The following NSMCE2 variants were observed in gnomAD, a reference collection of about 807,000 sequenced individuals.
The protein encoded by NSMCE2 is NSE2 SUMO ligase component of SMC5/6 complex.
In NSMCE2, 24 loss-of-function variants were observed where a neutral mutation model predicts 23.8. The observed-to-expected ratio is 1.01, with a 90% CI of 0.73 to 1.42. The LOEUF (loss-of-function observed/expected upper bound fraction) is 1.42. Among genes scored for constraint, NSMCE2 ranks in the 40% most tolerant of loss-of-function variants. The pLI, the probability that NSMCE2 is intolerant of heterozygous loss-of-function variation, is 0.00. For missense variants in NSMCE2, 284 were observed against 296.5 expected (o/e 0.96, Z 0.31); for synonymous variants, 92 against 94.1 (o/e 0.98, Z 0.13).
rs541154728 is a variant in NSMCE2, at chr8:125,153,571, C to T, written c.264+2294C>T. On this transcript the variant is annotated intron_variant, in intron 4 of 7. Transcript: ENST00000287437. ...GAATGAACAGCAGCTTGGGAGGGGC[C>T]GGGATAATATACTTGTTTAGAAATA... Among the ~76,000 whole-genome samples the T allele has an allele frequency of 1.1e-4, 17 of 152,166 alleles. No individual in the cohort carries two copies. In the South Asian group the frequency reaches 1.9e-3, roughly 17 times the overall value.
intron 3 of NSMCE2, among the ~76,000 whole-genome samples, chr8:125,144,264 A>G (rs1017216227): frequency 6.6e-6 from 1 of 152,160 alleles, no homozygotes; most frequent in African/African-American, 2.4e-5. Context: ...GAAGGTCCCT[A>G]TTTAGAATAG....
intron 4 of NSMCE2, 48 bp from the exon 5 acceptor site, chr8:125,182,055 A>G: frequency 7.3e-7 from 1 of 1,374,480 alleles, no homozygotes. Context: ...CTTTGTTAAC[A>G]CTATTATTAT....
intron 5 of NSMCE2, among the ~76,000 whole-genome samples, chr8:125,192,475 T>C (rs1244142730): frequency 6.6e-6 from 1 of 152,082 alleles, no homozygotes; most frequent in African/African-American, 2.4e-5. Flanking sequence ...GTTAATATTG[T>C]AATTTGGCTT....
chr8:125,118,329 C>T (rs1197217774), intron 3 of NSMCE2, among the ~76,000 whole-genome samples: 3 of 151,378 alleles, frequency 2.0e-5, no homozygotes, highest in East Asian at 3.9e-4. Flanking sequence ...TGCAGTGAGC[C>T]GAGATTACAC....
intron 5 of NSMCE2, among the ~76,000 whole-genome samples, chr8:125,302,912 C>T (rs1327813499): frequency 6.6e-6 from 1 of 152,084 alleles, no homozygotes; most frequent in Non-Finnish European, 1.5e-5. Flanking sequence ...TCTGGGAATC[C>T]GGGACAAAGA....
In NSMCE2 at chr8:125,355,039, G is replaced by A. The variant is rs530821309; in HGVS notation, c.419-2180G>A. ...GAAACATAAATGAAATTCATGTTTA[G>A]TCTTGGGTCCCATCCCCCAAGATAT... On this transcript the variant is annotated intron_variant, in intron 5 of 7. Transcript: ENST00000287437. 2.6e-5 allele frequency among the ~76,000 whole-genome samples: 4 copies of A among 152,318 alleles called. No homozygotes were observed. The East Asian group carries it at 7.7e-4, about 29-fold the overall frequency.
At chr8:125,242,684 A>T (rs1310531999) in intron 5 of NSMCE2, among the ~76,000 whole-genome samples, 1 of 152,200 alleles carries the variant, frequency 6.6e-6, no homozygotes, top group Admixed American at 6.5e-5. Flanking sequence ...TGAACTACAG[A>T]GTAGTTGTGG....
rs775997784 is a variant in NSMCE2, at chr8:125,324,874, C to T, written c.419-32345C>T. ...CAGGCATGAGCCACCGCGCCCGGCC[C>T]ATTTTGATAAAATTCTTTATGATGC... is the stretch of plus-strand genomic sequence containing the variant. On this transcript the variant is annotated intron_variant, in intron 5 of 7. Transcript: ENST00000287437. Among the ~76,000 whole-genome samples the T allele has an allele frequency of 3.7e-4, 56 of 150,936 alleles. 19 individuals carry two copies. The highest frequency in any genetic ancestry group is 3.1e-3 in the East Asian group (16 of 5,102).
intron 1 of NSMCE2, among the ~76,000 whole-genome samples, chr8:125,093,126 A>G (rs561933969): frequency 7.9e-5 from 12 of 152,344 alleles, no homozygotes; most frequent in African/African-American, 2.9e-4. Context: ...CTTATGAACA[A>G]CAGAAATTTA....
At chr8:125,140,292 C>A (rs1479095913) in intron 3 of NSMCE2, among the ~76,000 whole-genome samples, 1 of 152,042 alleles carries the variant, frequency 6.6e-6, no homozygotes, top group Non-Finnish European at 1.5e-5. Context: ...AGCAAAATAC[C>A]CCCATTTGTT....
intron 5 of NSMCE2, among the ~76,000 whole-genome samples, chr8:125,266,100 T>C (rs1477451157): frequency 1.3e-5 from 2 of 150,752 alleles, no homozygotes; most frequent in Admixed American, 1.3e-4. Flanking sequence ...TTCTTTTTTT[T>C]TTTTTTTTTG....
intron 5 of NSMCE2, among the ~76,000 whole-genome samples, chr8:125,183,603 T>C (rs1206934850): frequency 6.6e-6 from 1 of 151,734 alleles, no homozygotes; most frequent in Non-Finnish European, 1.5e-5. Context: ...ATATAGTCTT[T>C]ACCTTTTATC....
intron 5 of NSMCE2, among the ~76,000 whole-genome samples, chr8:125,300,864 C>T (rs1458968953): frequency 6.6e-6 from 1 of 152,136 alleles, no homozygotes; most frequent in East Asian, 1.9e-4. Flanking sequence ...TTAATGCTAG[C>T]AGAGTGAAGA....
rs1478577011 is a variant in NSMCE2 at position 125,255,423 on chromosome 8, C to T, written c.418+73167C>T. ...TCACAGGAACACTGAGTCGAGACAC[C>T]TAATCCTTCCTTCATCATCAAGGAA... On this transcript the variant is annotated intron_variant, in intron 5 of 7. Coordinates refer to ENST00000287437, the MANE Select transcript of NSMCE2 (RefSeq NM_173685.4). Among the ~76,000 whole-genome samples, 3 of 152,088 alleles carry T rather than the reference C, an allele frequency of 2.0e-5. No homozygotes were observed. In the East Asian group the frequency reaches 5.8e-4, roughly 29 times the overall value.
rs547806411 is a variant in NSMCE2 at position 125,133,374 on chromosome 8, A to T, written c.158-17797A>T. Among the ~76,000 whole-genome samples, 76 of 152,324 alleles carry T rather than the reference A, an allele frequency of 5.0e-4. 1 individual carries two copies. The highest frequency in any genetic ancestry group is 1.8e-3 in the African/African-American group (74 of 41,568). ...GCTTAATGAAAGACTGAAATAATCC[A>T]GGGGTGTAAAATGGGAAAACAGCTG... On this transcript the variant is annotated intron_variant, in intron 3 of 7. Coordinates refer to ENST00000287437, the MANE Select transcript of NSMCE2 (RefSeq NM_173685.4).
intron 3 of NSMCE2, among the ~76,000 whole-genome samples, chr8:125,142,848 C>T (rs1820454699): frequency 1.3e-5 from 2 of 152,148 alleles, no homozygotes; most frequent in East Asian, 1.9e-4. Context: ...GTGATCCACC[C>T]GCCTCAGCCT....
intron 5 of NSMCE2, among the ~76,000 whole-genome samples, chr8:125,190,644 T>C (rs993969260): frequency 2.6e-5 from 4 of 152,200 alleles, no homozygotes; most frequent in Admixed American, 2.0e-4. Context: ...ATTAACTTTT[T>C]CTACATGTCC....
In NSMCE2 at chr8:125,213,772, G is replaced by T. The variant is rs535472068; in HGVS notation, c.418+31516G>T. 3.8e-5 allele frequency among the ~76,000 whole-genome samples: 4 copies of T among 104,596 alleles called. No individual in the cohort carries two copies. The South Asian group carries it at 1.4e-3, about 35-fold the overall frequency. The allele number at this position is 104,596 out of a possible 152,430, so 68.6% of individuals were successfully genotyped here. Reference sequence around the variant, plus strand: ...TCAACTGTACAGAGACCTGGAGGTCGCCAGGCTACCCATTCTGAAATGTGA... The same window carrying T: ...TCAACTGTACAGAGACCTGGAGGTCTCCAGGCTACCCATTCTGAAATGTGA... On this transcript the variant is annotated intron_variant, in intron 5 of 7. Transcript: ENST00000287437.
chr8:125,306,087 G>A (rs1258756473), intron 5 of NSMCE2, among the ~76,000 whole-genome samples: 2 of 152,138 alleles, frequency 1.3e-5, no homozygotes, highest in African/African-American at 4.8e-5. Context: ...TAGCACTTTG[G>A]GAGGCTGAGA....
Sources: gnomAD v4.1 joint callset for allele counts (sites outside exome capture counted in the v4.1 genomes callset) on GRCh38, gnomAD v4.1.1 for gene constraint, MANE v1.5 for transcripts, NCBI Gene and HGNC (gene_info 2026-07-23, HGNC 2026-07-21) for gene names.